MYO5B: variants seen among roughly 807,000 people sequenced by gnomAD.
The protein encoded by MYO5B is myosin VB.
A neutral mutation model predicts 229.3 loss-of-function variants in MYO5B; 143 were observed. That is an observed-to-expected ratio of 0.62 (90% CI 0.54 to 0.72). MYO5B has a LOEUF of 0.72. Ranked by LOEUF, MYO5B falls within the 30% of genes least tolerant of loss-of-function variation. The probability of loss-of-function intolerance (pLI) is 0.00; values close to 1 mark genes in which losing one functional copy is unlikely to be tolerated. For missense variants in MYO5B, 2,321 were observed against 2,331.0 expected, an observed-to-expected ratio of 1.00 and a Z score of 0.09; for synonymous variants, 918 against 885.2, an observed-to-expected ratio of 1.04 and a Z score of -0.66.
intron 1 of MYO5B, among the ~76,000 whole-genome samples, chr18:50,178,121 C>T (rs1477892872): frequency 6.6e-6 from 1 of 152,180 alleles, no homozygotes; most frequent in African/African-American, 2.4e-5. Context: ...ACCCAACCCA[C>T]CGAGGCTGAG....
chr18:50,079,468 T>G (rs1480018905), intron 1 of MYO5B, among the ~76,000 whole-genome samples: 3 of 152,152 alleles, frequency 2.0e-5, no homozygotes, highest in Non-Finnish European at 4.4e-5. Flanking sequence ...CTCTCACACT[T>G]CGACTTAAAA....
chr18:50,056,666 C>A (rs2852104), intron 1 of MYO5B, among the ~76,000 whole-genome samples: 66,936 of 151,710 alleles, frequency 0.44, 15,291 homozygotes, highest in East Asian at 0.63. Context: ...CTGGGCCAGT[C>A]TGTCACCTGT....
rs1598915093 is a variant in MYO5B at position 49,962,873 on chromosome 18, A to C, written c.1404+76T>G. The C allele has an allele frequency of 5.4e-5, 68 of 1,248,462 alleles. No homozygotes were observed. The East Asian group carries it at 1.4e-3, about 26-fold the overall frequency. 77.3% of individuals were successfully genotyped at this position (1,248,462 alleles called of 1,614,324 possible). On this transcript the variant is annotated intron_variant, in intron 11 of 39. Transcript: ENST00000285039. ...GCCAGGGCCCACCCACCTCAGAGGA[A>C]GAGAAGTGGCCTGTCTGTCCCTCCC...
intron 1 of MYO5B, among the ~76,000 whole-genome samples, chr18:50,115,523 AACACACACACACACACACAGAGAG>A (rs1256053173): frequency 2.1e-5 from 3 of 144,694 alleles, no homozygotes; most frequent in Non-Finnish European, 3.0e-5. Context: ...AAATAAATAA[AACACACACACACACACACAGAGAG>A]ACACACACAC....
intron 1 of MYO5B, among the ~76,000 whole-genome samples, chr18:50,155,982 G>A (rs1166070858): frequency 1.3e-5 from 2 of 152,126 alleles, no homozygotes; most frequent in Non-Finnish European, 2.9e-5. Flanking sequence ...GAAAAATGGT[G>A]GCCTGCCACA....
intron 1 of MYO5B, chr18:50,097,556 T>C (rs1403932987): frequency 7.5e-6 from 2 of 266,598 alleles, no homozygotes; most frequent in African/African-American, 2.2e-5. Flanking sequence ...AACACTCATT[T>C]AGATGTGTAA....
intron 29 of MYO5B, among the ~76,000 whole-genome samples, chr18:49,859,731 A>G (rs907194786): frequency 3.3e-5 from 5 of 152,148 alleles, no homozygotes; most frequent in African/African-American, 1.2e-4. Context: ...TGGGGAACAT[A>G]AGGAAATGAT....
chr18:50,144,291 G>A (rs142944643), intron 1 of MYO5B, among the ~76,000 whole-genome samples: 12 of 152,236 alleles, frequency 7.9e-5, no homozygotes, highest in African/African-American at 2.4e-4. Flanking sequence ...TGCTTTGGAC[G>A]CATAAAGACC....
intron 2 of MYO5B, 35 bp downstream of exon 2, chr18:50,055,229 CACCT>C: frequency 1.4e-6 from 1 of 710,388 alleles, no homozygotes; most frequent in Non-Finnish European, 2.6e-6. Flanking sequence ...CTCCCTGCCC[CACCT>C]CACCCCCGCC....
chr18:49,880,350 C>T (rs2024573090), intron 23 of MYO5B, 21 bp downstream of exon 23: 4 of 1,604,252 alleles, frequency 2.5e-6, no homozygotes, highest in African/African-American at 2.7e-5. Flanking sequence ...CCAAATAAAA[C>T]TCAAGTGCTT....
At chr18:49,944,279 G>C (rs541081878) in intron 14 of MYO5B, among the ~76,000 whole-genome samples, 1 of 152,116 alleles carries the variant, frequency 6.6e-6, no homozygotes, top group Non-Finnish European at 1.5e-5. Flanking sequence ...GCATAGTCAG[G>C]ATTTGAACCC....
Position 49,864,277 on chromosome 18 carries a change from G to C in MYO5B, c.3707C>G (p.Ser1236Cys). 2 of 1,614,212 alleles carry C rather than the reference G, an allele frequency of 1.2e-6. No individual in the cohort carries two copies. The highest frequency in any genetic ancestry group is 1.1e-5 in the South Asian group (1 of 91,084). The change falls in exon 28 of 40, where the codon TCC (serine) becomes TGC (cysteine). Residue 1236 changes from serine to cysteine, a missense_variant. Ser to Cys is a moderately radical substitution (Grantham distance 112). Coordinates refer to ENST00000285039, the MANE Select transcript of MYO5B (RefSeq NM_001080467.3). ...CAGCAGGAGGCTGTAGCTATCTGGG[G>C]AGCCGTGGCTGGAGTTATTCTGCGT... ...QATQNNSSHG[S>C]PDSYSLLLNQ...
chr18:49,992,269 C>G lies in MYO5B; in HGVS notation c.756+19G>C, dbSNP rs757317760. 1.7e-5 allele frequency: 27 copies of G among 1,613,948 alleles called. No individual in the cohort carries two copies. The highest frequency in any genetic ancestry group is 3.3e-4 in the Middle Eastern group (2 of 6,082). ...TGTCCATGAGAAATACACAAAAGGG[C>G]GCAAATCCTCCCACTCACCTGGAAG... On this transcript the variant is annotated intron_variant, in intron 6 of 39. Transcript: ENST00000285039.
chr18:50,123,782 T>G (rs184483425), intron 1 of MYO5B, among the ~76,000 whole-genome samples: 4 of 152,328 alleles, frequency 2.6e-5, no homozygotes, highest in Non-Finnish European at 4.4e-5. Context: ...TGTCACTCTT[T>G]TGCAGTCATT....
At chr18:49,831,094 A>T (rs1235520502) in intron 39 of MYO5B, among the ~76,000 whole-genome samples, 1 of 152,180 alleles carries the variant, frequency 6.6e-6, no homozygotes, top group East Asian at 1.9e-4. Context: ...GGATATCCAC[A>T]TACAGAAGAA....
chr18:50,184,809 TG>T (rs1478922321), intron 1 of MYO5B, among the ~76,000 whole-genome samples: 1 of 151,758 alleles, frequency 6.6e-6, no homozygotes, highest in Non-Finnish European at 1.5e-5. Context: ...GAGGCTGAGG[TG>T]GGAGGATCAC....
chr18:49,930,640 C>G (rs561633444), intron 16 of MYO5B, among the ~76,000 whole-genome samples: 4 of 152,116 alleles, frequency 2.6e-5, no homozygotes, highest in Non-Finnish European at 4.4e-5. Flanking sequence ...TGCCTGTAAT[C>G]CCAGTACTTT....
chr18:49,870,774 A>AATAT (rs541924156), intron 27 of MYO5B, among the ~76,000 whole-genome samples: 121 of 152,300 alleles, frequency 7.9e-4, no homozygotes, highest in African/African-American at 2.7e-3. Flanking sequence ...TAAATAAATA[A>AATAT]ATAAAAGAAA....
chr18:49,918,868 AC>A (rs1453274426), intron 17 of MYO5B, among the ~76,000 whole-genome samples: 1 of 152,226 alleles, frequency 6.6e-6, no homozygotes, highest in Non-Finnish European at 1.5e-5. Context: ...TTGGAAGTGT[AC>A]TAGGGATGGA....
Sources: gnomAD v4.1 joint callset for allele counts (sites outside exome capture counted in the v4.1 genomes callset) on GRCh38, gnomAD v4.1.1 for gene constraint, MANE v1.5 for transcripts, NCBI Gene and HGNC (gene_info 2026-07-23, HGNC 2026-07-21) for gene names.